IPO11: variants seen among roughly 807,000 people sequenced by gnomAD.
IPO11 encodes importin 11, also known as importin-11.
A neutral mutation model predicts 143.2 loss-of-function variants in IPO11; 66 were observed. The ratio of observed to expected loss-of-function variants is 0.46; its 90% confidence interval spans 0.38 to 0.57. The LOEUF (loss-of-function observed/expected upper bound fraction) is 0.57, where lower values mean the gene tolerates loss of function less well. IPO11 is among the 20% of genes least tolerant of loss of function. The probability of loss-of-function intolerance (pLI) is 0.00; values close to 1 mark genes in which losing one functional copy is unlikely to be tolerated. For missense variants in IPO11, 1,026 were observed against 1,141.0 expected, an observed-to-expected ratio of 0.90 and a Z score of 1.45; for synonymous variants, 385 against 377.8, an observed-to-expected ratio of 1.02 and a Z score of -0.22.
chr5:62,548,268 A>G (rs974444899), intron 24 of IPO11, among the ~76,000 whole-genome samples: 1 of 152,044 alleles, frequency 6.6e-6, no homozygotes, highest in African/African-American at 2.4e-5. Flanking sequence ...TTTTATGTTC[A>G]CTAAACTGTC....
At chr5:62,476,896 G>C in intron 9 of IPO11, 143 bp downstream of exon 9, 2 of 843,704 alleles carry the variant, frequency 2.4e-6, no homozygotes, top group Non-Finnish European at 3.3e-6. Context: ...GCTAAAAATT[G>C]CTTTTATATG....
At chr5:62,429,135 T>C (rs1743876239) in intron 1 of IPO11, among the ~76,000 whole-genome samples, 2 of 152,204 alleles carry the variant, frequency 1.3e-5, no homozygotes, top group Non-Finnish European at 2.9e-5. Flanking sequence ...TTTTAGAACA[T>C]TTTCATCGTT....
At chr5:62,440,510 C>G (rs999246163) in intron 2 of IPO11, among the ~76,000 whole-genome samples, 5 of 151,774 alleles carry the variant, frequency 3.3e-5, no homozygotes, top group African/African-American at 1.2e-4. Context: ...GCCCCCCCAC[C>G]ATGCCTAGCT....
intron 29 of IPO11, among the ~76,000 whole-genome samples, chr5:62,613,062 C>T (rs1214272460): frequency 6.6e-6 from 1 of 152,138 alleles, no homozygotes; most frequent in Middle Eastern, 3.2e-3. Flanking sequence ...AAGTAGAAAG[C>T]AGTGTTTTGT....
chr5:62,512,573 ACTTT>A, intron 19 of IPO11: 1 of 592,670 alleles, frequency 1.7e-6, no homozygotes. Flanking sequence ...TTATGGGAGG[ACTTT>A]TTTTTGTTGT....
At chr5:62,435,160 A>G (rs367857210) in intron 1 of IPO11, among the ~76,000 whole-genome samples, 5 of 105,922 alleles carry the variant, frequency 4.7e-5, no homozygotes, top group African/African-American at 2.0e-4. Context: ...ATGTATATAT[A>G]TGTATATATA....
At chr5:62,532,042 T>G (rs1161799791) in intron 22 of IPO11, among the ~76,000 whole-genome samples, 3 of 152,192 alleles carry the variant, frequency 2.0e-5, no homozygotes, top group Non-Finnish European at 4.4e-5. Context: ...TTCTTTATAT[T>G]TGACCTAAGA....
chr5:62,461,378 G>A (rs533597985), intron 5 of IPO11, among the ~76,000 whole-genome samples: 18 of 152,328 alleles, frequency 1.2e-4, no homozygotes, highest in Middle Eastern at 3.4e-3. Flanking sequence ...AAGGATAGGG[G>A]ATTCTGGCTA....
intron 26 of IPO11, among the ~76,000 whole-genome samples, chr5:62,557,606 C>G (rs1017972177): frequency 6.6e-6 from 1 of 152,244 alleles, no homozygotes; most frequent in Non-Finnish European, 1.5e-5. Context: ...ATTCCTCCAT[C>G]TATAGGCTAG....
intron 9 of IPO11, among the ~76,000 whole-genome samples, chr5:62,479,425 T>A (rs1746102062): frequency 6.6e-6 from 1 of 152,236 alleles, no homozygotes; most frequent in South Asian, 2.1e-4. Context: ...TATAGTAGCA[T>A]GATTTATAAT....
chr5:62,430,154 G>C (rs1274120585), intron 1 of IPO11, among the ~76,000 whole-genome samples: 1 of 152,174 alleles, frequency 6.6e-6, no homozygotes, highest in Non-Finnish European at 1.5e-5. Context: ...ATCTGTATAC[G>C]AGTTTTTGTA....
At chr5:62,558,589 G>T (rs1279022118) in intron 26 of IPO11, among the ~76,000 whole-genome samples, 1 of 152,042 alleles carries the variant, frequency 6.6e-6, no homozygotes, top group Non-Finnish European at 1.5e-5. Context: ...CAAAAGTAAA[G>T]AATTTTTGCA....
At chr5:62,437,690 A>G (rs1328048919) in intron 2 of IPO11, among the ~76,000 whole-genome samples, 1 of 152,208 alleles carries the variant, frequency 6.6e-6, no homozygotes, top group Non-Finnish European at 1.5e-5. Context: ...AGTGTCTACT[A>G]TCAGGACTCT....
chr5:62,610,373 CA>C (rs909162194), intron 29 of IPO11, among the ~76,000 whole-genome samples: 1 of 152,008 alleles, frequency 6.6e-6, no homozygotes, highest in Non-Finnish European at 1.5e-5. Flanking sequence ...TATTGAAAAG[CA>C]GTTTGAAAGA....
intron 15 of IPO11, 128 bp downstream of exon 15, chr5:62,490,348 T>C (rs1444694903): frequency 1.2e-5 from 6 of 513,366 alleles, no homozygotes; most frequent in African/African-American, 2.0e-5. Flanking sequence ...TAATGTCTTA[T>C]GTGGAAAGGA....
At chr5:62,446,254 A>G (rs1222262548) in intron 3 of IPO11, among the ~76,000 whole-genome samples, 1 of 152,252 alleles carries the variant, frequency 6.6e-6, no homozygotes, top group Non-Finnish European at 1.5e-5. Context: ...CACCTGTGTA[A>G]CTGCCAGTTG....
intron 27 of IPO11, among the ~76,000 whole-genome samples, chr5:62,576,653 T>A (rs1744323099): frequency 6.7e-6 from 1 of 149,922 alleles, no homozygotes; most frequent in Non-Finnish European, 1.5e-5. Flanking sequence ...CATGGTGGCA[T>A]GCACCTGCAG....
chr5:62,615,940 G>A (rs1293968492), intron 29 of IPO11, among the ~76,000 whole-genome samples: 2 of 151,922 alleles, frequency 1.3e-5, no homozygotes, highest in African/African-American at 2.4e-5. Context: ...CTGCAATCTG[G>A]TTATTTAACA....
At chr5:62,514,411 G>A (rs541496697) in intron 19 of IPO11, among the ~76,000 whole-genome samples, 9 of 152,086 alleles carry the variant, frequency 5.9e-5, no homozygotes, top group Admixed American at 2.0e-4. Flanking sequence ...CCAACACAGC[G>A]AAACCCCGTC....
Sources: allele counts gnomAD v4.1 joint callset (sites outside exome capture counted in the v4.1 genomes callset), GRCh38; gene constraint gnomAD v4.1.1; transcripts MANE v1.5; gene names NCBI Gene and HGNC (gene_info 2026-07-23, HGNC 2026-07-21).